Variants in PLA2G4A observed in about 807,000 individuals in gnomAD.
The protein encoded by PLA2G4A is phospholipase A2 group IVA.
PLA2G4A carries 40 observed loss-of-function variants against 81.9 expected under a neutral mutation model. That is an observed-to-expected ratio of 0.49 (90% confidence interval 0.38 to 0.64). The LOEUF (loss-of-function observed/expected upper bound fraction) is 0.64, where lower values mean the gene tolerates loss of function less well. Among genes scored for constraint, PLA2G4A ranks in the 30% least tolerant of loss-of-function variants. PLA2G4A has a pLI of 0.00. For synonymous variants in PLA2G4A, 302 were observed against 296.9 expected, an observed-to-expected ratio of 1.02 and a Z score of -0.18; for missense variants, 715 against 905.1, an observed-to-expected ratio of 0.79 and a Z score of 2.69.
chr1:186,928,345 G>A (rs965660068), intron 7 of PLA2G4A, among the ~76,000 whole-genome samples: 20 of 152,222 alleles, frequency 1.3e-4, no homozygotes, highest in Admixed American at 4.6e-4. Flanking sequence ...ATTGGCTGCC[G>A]GTGTTCTTGC....
chr1:186,931,888 C>T (rs1307412052), intron 7 of PLA2G4A, among the ~76,000 whole-genome samples: 2 of 152,112 alleles, frequency 1.3e-5, no homozygotes, highest in Non-Finnish European at 2.9e-5. Flanking sequence ...TGCTTAAGAG[C>T]AAAGCTAGAA....
At chr1:186,935,408 ATTT>A (rs10681360) in intron 8 of PLA2G4A, among the ~76,000 whole-genome samples, 79 of 147,680 alleles carry the variant, frequency 5.3e-4, no homozygotes, top group African/African-American at 1.6e-3. Context: ...AAGGGTTTTT[ATTT>A]TTTTTTTTTT....
intron 1 of PLA2G4A, among the ~76,000 whole-genome samples, chr1:186,842,881 A>C (rs1652039513): frequency 6.6e-6 from 1 of 152,182 alleles, no homozygotes; most frequent in South Asian, 2.1e-4. Flanking sequence ...CACTTTCATC[A>C]TGCCACCTCC....
At chr1:186,978,377 G>C (rs1364641283) in intron 16 of PLA2G4A, among the ~76,000 whole-genome samples, 1 of 151,932 alleles carries the variant, frequency 6.6e-6, no homozygotes, top group African/African-American at 2.4e-5. Context: ...GGTGCTTAAG[G>C]CTCCAAAAAC....
At position 186,838,467 on chromosome 1, in the gene PLA2G4A, T is replaced by G. The variant is rs188231354; in HGVS notation, c.-70+9432T>G. Among the ~76,000 whole-genome samples the G allele has an allele frequency of 8.5e-5, 13 of 152,304 alleles. No individual in the cohort carries two copies. In the East Asian group the frequency reaches 2.5e-3, roughly 29 times the overall value. ...TTTATCTAAGGTAATTAGTGACTAC[T>G]AGGAAGTAGTCCAAAATTGGCTGAT... On this transcript the variant is annotated intron_variant, in intron 1 of 17. Coordinates refer to ENST00000367466, the MANE Select transcript of PLA2G4A (RefSeq NM_024420.3).
At chr1:186,863,472 A>T (rs1050708319) in intron 2 of PLA2G4A, among the ~76,000 whole-genome samples, 1 of 152,146 alleles carries the variant, frequency 6.6e-6, no homozygotes, top group Non-Finnish European at 1.5e-5. Flanking sequence ...CATCTCATAC[A>T]TTTATCACAT....
Position 186,857,639 on chromosome 1 carries a change from G to A in PLA2G4A, c.33+3252G>A, listed in dbSNP as rs1002653454. On this transcript the variant is annotated intron_variant, in intron 2 of 17. Coordinates refer to ENST00000367466, the MANE Select transcript of PLA2G4A (RefSeq NM_024420.3). ...TTAAAATTAAACTTTAAGTTCTAGG[G>A]TACATGTGCACAACGTGTAGGCTAC... Among the ~76,000 whole-genome samples the A allele has an allele frequency of 2.7e-5, 4 of 148,682 alleles. No homozygotes were observed. The Admixed American group carries it at 2.7e-4, about 10-fold the overall frequency.
At chr1:186,879,304 A>G (rs956172826) in intron 3 of PLA2G4A, among the ~76,000 whole-genome samples, 5 of 152,066 alleles carry the variant, frequency 3.3e-5, no homozygotes, top group South Asian at 2.1e-4. Context: ...GAAATGAAAT[A>G]TTAAAGAAAT....
intron 9 of PLA2G4A, among the ~76,000 whole-genome samples, chr1:186,939,492 GAA>G (rs10599543): frequency 0.061 from 8,662 of 142,988 alleles, 293 homozygotes; most frequent in African/African-American, 0.092. Flanking sequence ...CTTTTCTCTG[GAA>G]AAAAAAAAAA....
Position 186,911,375 on chromosome 1 carries a change from C to A in PLA2G4A, c.544C>A (p.His182Asn), listed in dbSNP as rs757191338. The change falls in exon 7 of 18, where the codon CAT (histidine) becomes AAT (asparagine). Residue 182 changes from histidine to asparagine, a missense_variant. His to Asn is a moderately conservative substitution (Grantham distance 68). Coordinates refer to ENST00000367466, the MANE Select transcript of PLA2G4A (RefSeq NM_024420.3). ...LLGPKNSEGLHSARDVPVVAI... is the reference protein window; with the variant it reads ...LLGPKNSEGLNSARDVPVVAI... Reference sequence around the variant, plus strand: ...GGGTCCAAAGAATAGTGAAGGATTGCATTCTGCACGTGATGTGAGTTGGAA... The same window carrying A: ...GGGTCCAAAGAATAGTGAAGGATTGAATTCTGCACGTGATGTGAGTTGGAA... 9.9e-6 allele frequency: 16 copies of A among 1,609,182 alleles called. No homozygotes were observed. In the East Asian group the frequency reaches 3.3e-4, roughly 34 times the overall value.
At chr1:186,852,501 G>A (rs1652410370) in intron 1 of PLA2G4A, among the ~76,000 whole-genome samples, 1 of 152,038 alleles carries the variant, frequency 6.6e-6, no homozygotes, top group Admixed American at 6.6e-5. Context: ...AGTTTTGGAA[G>A]CTGGGAAGTC....
In PLA2G4A at chr1:186,912,258, T is replaced by C. The variant is rs547377706; in HGVS notation, c.558+869T>C. ...CCATTATACTCCCTAACTATCAACA[T>C]CCCACACCAGAGTGGTACATTTGTT... On this transcript the variant is annotated intron_variant, in intron 7 of 17. Coordinates refer to ENST00000367466, the MANE Select transcript of PLA2G4A (RefSeq NM_024420.3). Among the ~76,000 whole-genome samples the C allele has an allele frequency of 2.6e-5, 4 of 152,282 alleles. No individual in the cohort carries two copies. In the South Asian group the frequency reaches 8.3e-4, roughly 32 times the overall value.
Position 186,949,902 on chromosome 1 carries a change from G to C in PLA2G4A, c.1265-755G>C, listed in dbSNP as rs116017462. Reference sequence around the variant, plus strand: ...ATTAAAAAAATTAGCCAAGCATGATGGTCCATGCCTATAATCCCAGCTACT... The same window carrying C: ...ATTAAAAAAATTAGCCAAGCATGATCGTCCATGCCTATAATCCCAGCTACT... On this transcript the variant is annotated intron_variant, in intron 12 of 17. Coordinates refer to ENST00000367466, the MANE Select transcript of PLA2G4A (RefSeq NM_024420.3). 6.4e-3 allele frequency among the ~76,000 whole-genome samples: 972 copies of C among 152,002 alleles called. 12 individuals are homozygous for C. Among genetic ancestry groups the C allele is most frequent in the African/African-American group, 0.022 (932 of 41,492 alleles).
chr1:186,934,459 T>TATATATATATATATATATAC (rs1655864628), intron 8 of PLA2G4A, among the ~76,000 whole-genome samples: 1 of 126,906 alleles, frequency 7.9e-6, no homozygotes, highest in African/African-American at 3.6e-5. Context: ...TATATATATA[T>TATATATATATATATATATAC]ATATACATAC....
intron 1 of PLA2G4A, among the ~76,000 whole-genome samples, chr1:186,844,817 T>C (rs1652114962): frequency 6.6e-6 from 1 of 152,254 alleles, no homozygotes; most frequent in African/African-American, 2.4e-5. Flanking sequence ...TATGAAAATG[T>C]ACTTGGTGTT....
chr1:186,953,513 G>T (rs918407086), intron 13 of PLA2G4A, among the ~76,000 whole-genome samples: 28 of 151,980 alleles, frequency 1.8e-4, no homozygotes, highest in South Asian at 1.5e-3. Context: ...CAATCTGTGG[G>T]TTATCCTTTT....
At chr1:186,830,700 T>C (rs1042517513) in intron 1 of PLA2G4A, among the ~76,000 whole-genome samples, 4 of 150,722 alleles carry the variant, frequency 2.7e-5, no homozygotes, top group Admixed American at 6.6e-5. Context: ...AATTATTAAA[T>C]AGATTTTTAG....
chr1:186,952,903 A>G (rs556279099), intron 13 of PLA2G4A, among the ~76,000 whole-genome samples: 1 of 152,274 alleles, frequency 6.6e-6, no homozygotes, highest in African/African-American at 2.4e-5. Context: ...GCACTGAATA[A>G]TATTACATTG....
At chr1:186,853,765 T>A (rs1486697433) in intron 1 of PLA2G4A, among the ~76,000 whole-genome samples, 4 of 151,902 alleles carry the variant, frequency 2.6e-5, no homozygotes. Flanking sequence ...GCTTCCAAAT[T>A]AAACTGGTGT....
Sources: gnomAD v4.1 joint callset for allele counts (sites outside exome capture counted in the v4.1 genomes callset) on GRCh38, gnomAD v4.1.1 for gene constraint, MANE v1.5 for transcripts, NCBI Gene and HGNC (gene_info 2026-07-23, HGNC 2026-07-21) for gene names.